The following CDC14A variants were observed in gnomAD, a reference collection of about 807,000 sequenced individuals.
CDC14A encodes the protein dual specificity protein phosphatase CDC14A.
CDC14A carries 53 observed loss-of-function variants against 74.4 expected under a neutral mutation model. The ratio of observed to expected loss-of-function variants is 0.71; its 90% CI spans 0.57 to 0.89. The LOEUF is 0.89. Among genes scored for constraint, CDC14A ranks in the 40% least tolerant of loss-of-function variants. The probability of loss-of-function intolerance (pLI) is 0.00; values close to 1 mark genes in which losing one functional copy is unlikely to be tolerated. For synonymous variants in CDC14A, 247 were observed against 258.4 expected (o/e 0.96, Z 0.43); for missense variants, 646 against 713.7 (o/e 0.91, Z 1.08).
Position 100,484,398 on chromosome 1 carries a change from A to G in CDC14A, c.1084A>G (p.Met362Val). The G allele has an allele frequency of 6.2e-7, 1 of 1,609,744 alleles. No homozygotes were observed. The highest frequency in any genetic ancestry group is 1.7e-5 in the Admixed American group (1 of 59,404). The part of the protein sequence containing the change: ...INKILSGLDD[M>V]SIGGNLSKTQ... ...TAAAATTCTTTCTGGCCTAGATGAT[A>G]TGTCTATTGGTGGAAATCTTTCAAA... The change falls in exon 11 of 16, where the codon ATG becomes GTG. Residue 362 changes from methionine to valine, a missense_variant. Transcript: ENST00000336454.
At chr1:100,440,108 AAGT>A in intron 6 of CDC14A, 110 bp downstream of exon 6, 1 of 772,162 alleles carries the variant, frequency 1.3e-6, no homozygotes. Context: ...GGGAGCCAGT[AAGT>A]AGAAGGCTTT....
At chr1:100,512,409 A>G (rs1649857577) in intron 15 of CDC14A, among the ~76,000 whole-genome samples, 2 of 152,200 alleles carry the variant, frequency 1.3e-5, no homozygotes, top group South Asian at 4.1e-4. Flanking sequence ...ACTAACAGAA[A>G]ACAAACAAGT....
intron 9 of CDC14A, among the ~76,000 whole-genome samples, chr1:100,466,085 G>A (rs1168584470): frequency 6.6e-6 from 1 of 152,054 alleles, no homozygotes; most frequent in Admixed American, 6.5e-5. Context: ...TTTAAAAGGG[G>A]GAAGCTGCTT....
intron 4 of CDC14A, among the ~76,000 whole-genome samples, chr1:100,405,468 G>T (rs1157745769): frequency 1.3e-5 from 2 of 152,134 alleles, no homozygotes; most frequent in Non-Finnish European, 2.9e-5. Context: ...ATGGTGGTTT[G>T]CTGCACAGAT....
At chr1:100,372,007 A>C (rs1192404503) in intron 2 of CDC14A, among the ~76,000 whole-genome samples, 1 of 152,244 alleles carries the variant, frequency 6.6e-6, no homozygotes, top group Admixed American at 6.5e-5. Flanking sequence ...CAAATACTGC[A>C]ACAAAGCAAG....
intron 14 of CDC14A, 37 bp from the exon 15 acceptor site, chr1:100,498,892 T>A (rs755659334): frequency 4.4e-6 from 7 of 1,579,236 alleles, no homozygotes; most frequent in Non-Finnish European, 6.0e-6. Context: ...TACATTGTTG[T>A]CTGTTTTTTC....
intron 15 of CDC14A, among the ~76,000 whole-genome samples, chr1:100,507,833 C>T (rs1909125): frequency 0.86 from 131,087 of 152,030 alleles, 59,496 homozygotes; most frequent in Non-Finnish European, 1. Context: ...GTGTGCACCA[C>T]CACGCCTGGC....
At chr1:100,446,433 G>A (rs1665549311) in intron 7 of CDC14A, among the ~76,000 whole-genome samples, 1 of 152,128 alleles carries the variant, frequency 6.6e-6, no homozygotes, top group Non-Finnish European at 1.5e-5. Flanking sequence ...ATAAACCTCT[G>A]CCCATCCTGC....
At chr1:100,450,385 C>T (rs1666013339) in intron 7 of CDC14A, among the ~76,000 whole-genome samples, 1 of 152,154 alleles carries the variant, frequency 6.6e-6, no homozygotes, top group Non-Finnish European at 1.5e-5. Flanking sequence ...GCTTGGTCTG[C>T]CTTCTTTACA....
intron 3 of CDC14A, among the ~76,000 whole-genome samples, chr1:100,388,281 T>C (rs1475892111): frequency 6.6e-6 from 1 of 152,228 alleles, no homozygotes; most frequent in African/African-American, 2.4e-5. Flanking sequence ...AAATCAAACA[T>C]AACTTATTGA....
At chr1:100,378,496 T>C (rs1484556780) in intron 3 of CDC14A, among the ~76,000 whole-genome samples, 1 of 152,176 alleles carries the variant, frequency 6.6e-6, no homozygotes, top group Non-Finnish European at 1.5e-5. Context: ...CTTGGACATA[T>C]TAACTGTTCT....
intron 12 of CDC14A, among the ~76,000 whole-genome samples, chr1:100,495,563 AT>A (rs1352658291): frequency 2.6e-5 from 4 of 152,236 alleles, no homozygotes; most frequent in Non-Finnish European, 5.9e-5. Context: ...AAATTACAAT[AT>A]ACTGGGTGGC....
At chr1:100,484,737 A>G in intron 11 of CDC14A, 1 of 1,019,170 alleles carries the variant, frequency 9.8e-7, no homozygotes, top group South Asian at 4.6e-5. Flanking sequence ...TTTGAAAATT[A>G]AAATAAATAT....
At chr1:100,462,144 T>A (rs1557785084) in intron 8 of CDC14A, among the ~76,000 whole-genome samples, 1 of 152,240 alleles carries the variant, frequency 6.6e-6, no homozygotes, top group Non-Finnish European at 1.5e-5. Context: ...GTTTTGAGAA[T>A]TTGAAATGAT....
chr1:100,493,854 C>T lies in CDC14A; in HGVS notation c.1138-964C>T, dbSNP rs763285058. 8.6e-5 allele frequency among the ~76,000 whole-genome samples: 13 copies of T among 152,028 alleles called. No homozygotes were observed. In the East Asian group the frequency reaches 9.6e-4, roughly 11 times the overall value. On this transcript the variant is annotated intron_variant, in intron 11 of 15. Coordinates refer to ENST00000336454, the MANE Select transcript of CDC14A (RefSeq NM_003672.4). ...GGTGGCCGGGATTGAGGAGGTATTG[C>T]GATGAGAAATGACTCAAATGTGACT...
intron 15 of CDC14A, among the ~76,000 whole-genome samples, chr1:100,504,451 T>G (rs1649055617): frequency 6.6e-6 from 1 of 152,334 alleles, no homozygotes; most frequent in East Asian, 1.9e-4. Flanking sequence ...GTTGGCAAAC[T>G]TTTTCTGTAA....
intron 4 of CDC14A, among the ~76,000 whole-genome samples, chr1:100,420,033 C>CATATATATATACATAT (rs1349627424): frequency 2.6e-5 from 1 of 39,098 alleles, no homozygotes; most frequent in Non-Finnish European, 4.2e-5. Context: ...TACATATATA[C>CATATATATATACATAT]ACACACACAC....
chr1:100,476,007 G>A (rs1029738295), intron 10 of CDC14A, among the ~76,000 whole-genome samples: 3 of 152,198 alleles, frequency 2.0e-5, no homozygotes, highest in East Asian at 1.9e-4. Context: ...TCCCCTCTCA[G>A]TCTTTGCTGG....
chr1:100,455,161 C>T (rs1274721098), intron 7 of CDC14A, among the ~76,000 whole-genome samples: 1 of 152,132 alleles, frequency 6.6e-6, no homozygotes, highest in African/African-American at 2.4e-5. Context: ...ATGCAAAATA[C>T]CTCTGCCGTA....
Sources: gnomAD v4.1 joint callset for allele counts (sites outside exome capture counted in the v4.1 genomes callset) on GRCh38, gnomAD v4.1.1 for gene constraint, MANE v1.5 for transcripts, NCBI Gene and HGNC (gene_info 2026-07-23, HGNC 2026-07-21) for gene names.